The following LRRC3B variants were observed in gnomAD, a reference collection of about 807,000 sequenced individuals.
LRRC3B encodes leucine-rich repeat-containing protein 3B.
LRRC3B carries 2 observed loss-of-function variants against 12.8 expected under a neutral mutation model. The observed-to-expected ratio is 0.16, with a 90% CI of 0.06 to 0.49. The LOEUF is 0.49. LRRC3B is among the 20% of genes least tolerant of loss of function. The pLI is 0.96. For synonymous variants in LRRC3B, 132 were observed against 122.0 expected (o/e 1.08, Z -0.54); for missense variants, 189 against 319.4 (o/e 0.59, Z 3.11).
At chr3:26,701,685 C>T (rs921250200) in intron 1 of LRRC3B, among the ~76,000 whole-genome samples, 19 of 152,146 alleles carry the variant, frequency 1.2e-4, no homozygotes, top group African/African-American at 3.6e-4. Context: ...CAGGTTAACC[C>T]GGTTCTCTTT....
chr3:26,685,271 G>A (rs548757306), intron 1 of LRRC3B, among the ~76,000 whole-genome samples: 1 of 151,904 alleles, frequency 6.6e-6, no homozygotes, highest in South Asian at 2.1e-4. Flanking sequence ...GGTTATTGTT[G>A]TTGTTTTTTG....
At chr3:26,627,970 C>G (rs1698665978) in intron 1 of LRRC3B, among the ~76,000 whole-genome samples, 1 of 152,148 alleles carries the variant, frequency 6.6e-6, no homozygotes, top group Admixed American at 6.5e-5. Context: ...AAGGGGAATC[C>G]TTTGGAACCT....
At chr3:26,709,442 G>A (rs1700692942) in intron 1 of LRRC3B, 71 bp from the exon 2 acceptor site, 1 of 557,250 alleles carries the variant, frequency 1.8e-6, no homozygotes, top group Non-Finnish European at 3.2e-6. Flanking sequence ...CCAGACACCT[G>A]AGAACACCTT....
chr3:26,638,297 GA>G (rs1475460958), intron 1 of LRRC3B, among the ~76,000 whole-genome samples: 3 of 151,284 alleles, frequency 2.0e-5, no homozygotes, highest in Non-Finnish European at 3.0e-5. Context: ...ATTGTCATAT[GA>G]AAAAAAAAGT....
intron 1 of LRRC3B, among the ~76,000 whole-genome samples, chr3:26,663,815 G>A (rs1403548747): frequency 6.6e-6 from 1 of 152,122 alleles, no homozygotes; most frequent in Non-Finnish European, 1.5e-5. Flanking sequence ...CATCTTGCCA[G>A]TTTGGGCTCC....
chr3:26,635,627 A>G (rs1406202609), intron 1 of LRRC3B, among the ~76,000 whole-genome samples: 1 of 152,238 alleles, frequency 6.6e-6, no homozygotes, highest in East Asian at 1.9e-4. Context: ...ACTGTGAGAA[A>G]TGAATTCCTG....
chr3:26,662,099 G>T (rs1699502942), intron 1 of LRRC3B, among the ~76,000 whole-genome samples: 1 of 152,080 alleles, frequency 6.6e-6, no homozygotes, highest in Non-Finnish European at 1.5e-5. Flanking sequence ...AAAGAAATAT[G>T]CATTTCCTAT....
chr3:26,698,885 G>A (rs1335160254), intron 1 of LRRC3B, among the ~76,000 whole-genome samples: 1 of 151,942 alleles, frequency 6.6e-6, no homozygotes, highest in African/African-American at 2.4e-5. Flanking sequence ...CTTACATACA[G>A]TATACATTCA....
intron 1 of LRRC3B, among the ~76,000 whole-genome samples, chr3:26,638,806 C>G (rs778952259): frequency 2.0e-5 from 3 of 152,090 alleles, no homozygotes; most frequent in Non-Finnish European, 2.9e-5. Context: ...TGGGGTAGGT[C>G]TGGTGTTTTG....
At chr3:26,639,087 C>G (rs1352890026) in intron 1 of LRRC3B, among the ~76,000 whole-genome samples, 1 of 152,110 alleles carries the variant, frequency 6.6e-6, no homozygotes, top group African/African-American at 2.4e-5. Context: ...ATTAAATAGT[C>G]CCATTCTATA....
At chr3:26,707,146 G>T (rs1700612988) in intron 1 of LRRC3B, among the ~76,000 whole-genome samples, 1 of 150,254 alleles carries the variant, frequency 6.7e-6, no homozygotes, top group African/African-American at 2.4e-5. Flanking sequence ...AAGGTCAGGA[G>T]TTCAAGACCA....
intron 1 of LRRC3B, among the ~76,000 whole-genome samples, chr3:26,640,120 G>A (rs1278343736): frequency 6.6e-6 from 1 of 152,134 alleles, no homozygotes; most frequent in East Asian, 1.9e-4. Flanking sequence ...CTAGGAAACT[G>A]CATTTTTGTT....
chr3:26,656,244 G>A (rs893811755), intron 1 of LRRC3B, among the ~76,000 whole-genome samples: 2 of 152,156 alleles, frequency 1.3e-5, no homozygotes, highest in South Asian at 2.1e-4. Context: ...ATATTGCAGC[G>A]AAGATCGTCT....
At chr3:26,634,145 T>TG (rs34398511) in intron 1 of LRRC3B, among the ~76,000 whole-genome samples, 15,549 of 152,260 alleles carry the variant, frequency 0.1, 1,587 homozygotes, top group East Asian at 0.3. Flanking sequence ...CCATTAGCTG[T>TG]TGACCACAGG....
intron 1 of LRRC3B, among the ~76,000 whole-genome samples, chr3:26,681,507 T>G (rs1201978735): frequency 6.6e-6 from 1 of 152,202 alleles, no homozygotes; most frequent in Non-Finnish European, 1.5e-5. Flanking sequence ...GAAATCAGGC[T>G]TAGCAATTAT....
chr3:26,700,805 C>T (rs766631322), intron 1 of LRRC3B, among the ~76,000 whole-genome samples: 1 of 152,126 alleles, frequency 6.6e-6, no homozygotes, highest in Non-Finnish European at 1.5e-5. Flanking sequence ...TAAGTTCTTG[C>T]CTCTGTCATT....
At chr3:26,630,964 G>A (rs183812618) in intron 1 of LRRC3B, among the ~76,000 whole-genome samples, 7 of 152,320 alleles carry the variant, frequency 4.6e-5, no homozygotes, top group Admixed American at 3.9e-4. Flanking sequence ...TCTTCTAGCT[G>A]TGTTAGCACT....
chr3:26,677,405 G>T (rs902040666), intron 1 of LRRC3B, among the ~76,000 whole-genome samples: 9 of 152,172 alleles, frequency 5.9e-5, no homozygotes, highest in Non-Finnish European at 1.3e-4. Flanking sequence ...ACAACCCCAG[G>T]CAGGAGGCAG....
At chr3:26,630,180 C>A (rs1398866877) in intron 1 of LRRC3B, among the ~76,000 whole-genome samples, 21 of 151,920 alleles carry the variant, frequency 1.4e-4, no homozygotes, top group Non-Finnish European at 1.5e-5. Flanking sequence ...CTAAATAATA[C>A]CTCATAGCAT....
Sources: gnomAD v4.1 joint callset for allele counts (sites outside exome capture counted in the v4.1 genomes callset) on GRCh38, gnomAD v4.1.1 for gene constraint, MANE v1.5 for transcripts, NCBI Gene and HGNC (gene_info 2026-07-23, HGNC 2026-07-21) for gene names.